Variants in RGS6 observed in about 807,000 individuals in gnomAD.
RGS6 encodes regulator of G-protein signaling 6.
RGS6 carries 30 observed loss-of-function variants against 78.5 expected under a neutral mutation model. The ratio of observed to expected loss-of-function variants is 0.38; its 90% CI spans 0.29 to 0.52. The LOEUF (loss-of-function observed/expected upper bound fraction) is 0.52. Ranked by LOEUF, RGS6 falls within the 20% of genes least tolerant of loss-of-function variation. The pLI, the probability that RGS6 is intolerant of heterozygous loss-of-function variation, is 0.85. For missense variants in RGS6, 495 were observed against 609.7 expected (o/e 0.81, Z 1.98); for synonymous variants, 206 against 206.0 (o/e 1.00, Z 0.00).
At chr14:72,073,736 C>T (rs2094484770) in intron 2 of RGS6, among the ~76,000 whole-genome samples, 1 of 152,014 alleles carries the variant, frequency 6.6e-6, no homozygotes. Flanking sequence ...TTTTTTTTCT[C>T]ACAAATTTTA....
At chr14:72,353,843 G>A (rs557917832) in intron 3 of RGS6, among the ~76,000 whole-genome samples, 87 of 152,140 alleles carry the variant, frequency 5.7e-4, no homozygotes, top group African/African-American at 2.1e-3. Context: ...AATTAGCCGG[G>A]CGTAGTGGTG....
intron 2 of RGS6, among the ~76,000 whole-genome samples, chr14:72,329,580 A>G (rs2074542422): frequency 6.6e-6 from 1 of 152,294 alleles, no homozygotes; most frequent in Admixed American, 6.5e-5. Context: ...GCAGGTATCA[A>G]CTAATTAGCA....
chr14:72,224,416 C>G (rs1014628365), intron 2 of RGS6, among the ~76,000 whole-genome samples: 6 of 147,492 alleles, frequency 4.1e-5, no homozygotes, highest in Non-Finnish European at 7.4e-5. Context: ...GACCCTATCT[C>G]AAAAAAAAGA....
chr14:71,983,902 T>C (rs1281480617), intron 2 of RGS6, among the ~76,000 whole-genome samples: 1 of 152,248 alleles, frequency 6.6e-6, no homozygotes, highest in East Asian at 1.9e-4. Context: ...TAGTGCTCTC[T>C]GCAAAGATCA....
At chr14:72,304,487 T>C (rs563358230) in intron 2 of RGS6, among the ~76,000 whole-genome samples, 75 of 152,334 alleles carry the variant, frequency 4.9e-4, no homozygotes, top group African/African-American at 1.6e-3. Flanking sequence ...CTCTAGTGAA[T>C]TTTCTATTCC....
chr14:72,452,928 T>A (rs2332835), intron 3 of RGS6, among the ~76,000 whole-genome samples: 109,857 of 152,094 alleles, frequency 0.72, 40,032 homozygotes, highest in East Asian at 0.98. Context: ...AGAAGGGAAC[T>A]TATTCAGAGG....
intron 1 of RGS6, among the ~76,000 whole-genome samples, chr14:71,942,977 A>G (rs1191760932): frequency 6.6e-6 from 1 of 152,164 alleles, no homozygotes; most frequent in Non-Finnish European, 1.5e-5. Context: ...AAATCTGTCC[A>G]TGGTAGAGTT....
intron 2 of RGS6, among the ~76,000 whole-genome samples, chr14:72,213,796 T>C (rs890840754): frequency 6.6e-6 from 1 of 152,198 alleles, no homozygotes; most frequent in African/African-American, 2.4e-5. Flanking sequence ...CTTTTCCCTA[T>C]TGCAAAAATG....
chr14:72,356,992 C>G (rs913413647), intron 3 of RGS6, among the ~76,000 whole-genome samples: 7 of 152,132 alleles, frequency 4.6e-5, no homozygotes, highest in African/African-American at 1.7e-4. Flanking sequence ...TGGAAGCAGC[C>G]AGGCGCGGTG....
intron 2 of RGS6, among the ~76,000 whole-genome samples, chr14:72,051,386 A>G (rs1354513412): frequency 6.6e-6 from 1 of 152,214 alleles, no homozygotes; most frequent in Non-Finnish European, 1.5e-5. Context: ...AAGAATTTAT[A>G]CAGCCATGGT....
intron 17 of RGS6, among the ~76,000 whole-genome samples, chr14:72,545,147 CT>C (rs1447647426): frequency 3.3e-5 from 5 of 152,268 alleles, no homozygotes; most frequent in African/African-American, 1.2e-4. Flanking sequence ...GGCTAAAAAT[CT>C]TTCCAAAGGG....
chr14:72,160,797 C>G (rs1181801197), intron 2 of RGS6, among the ~76,000 whole-genome samples: 1 of 152,176 alleles, frequency 6.6e-6, no homozygotes, highest in African/African-American at 2.4e-5. Context: ...CTTTGAACTT[C>G]CAGCCCTCCA....
chr14:72,031,391 T>C (rs8022622), intron 2 of RGS6, among the ~76,000 whole-genome samples: 123,731 of 152,166 alleles, frequency 0.81, 50,479 homozygotes, highest in South Asian at 0.89. Flanking sequence ...GGTGTACTTA[T>C]AGAGTATACG....
chr14:72,518,950 C>T (rs993544920), intron 15 of RGS6, among the ~76,000 whole-genome samples: 5 of 152,254 alleles, frequency 3.3e-5, no homozygotes, highest in Admixed American at 6.5e-5. Flanking sequence ...CTCTACACTG[C>T]TTCCGCAGTG....
chr14:72,360,719 A>G (rs77986082), intron 3 of RGS6, among the ~76,000 whole-genome samples: 2,350 of 152,280 alleles, frequency 0.015, 27 homozygotes, highest in Middle Eastern at 0.034. Context: ...GTTATAAATT[A>G]GTCAACTAGG....
chr14:72,329,330 T>C (rs2047866954), intron 2 of RGS6, among the ~76,000 whole-genome samples: 1 of 152,248 alleles, frequency 6.6e-6, no homozygotes, highest in African/African-American at 2.4e-5. Flanking sequence ...TGAGGGACAA[T>C]AAACCAGATA....
intron 14 of RGS6, among the ~76,000 whole-genome samples, chr14:72,517,812 G>C (rs905497015): frequency 1.6e-4 from 24 of 152,170 alleles, no homozygotes; most frequent in Admixed American, 6.5e-5. Context: ...GCCATCACTT[G>C]ATCCCAACTA....
At chr14:72,120,404 T>C (rs1399841075) in intron 2 of RGS6, among the ~76,000 whole-genome samples, 1 of 152,208 alleles carries the variant, frequency 6.6e-6, no homozygotes, top group Admixed American at 6.5e-5. Flanking sequence ...GTTTCTTCAT[T>C]CCTGTAGCAA....
At chr14:72,251,185 C>T (rs1014335154) in intron 2 of RGS6, among the ~76,000 whole-genome samples, 20 of 152,228 alleles carry the variant, frequency 1.3e-4, no homozygotes, top group Admixed American at 1.3e-3. Flanking sequence ...AACTGCAAAG[C>T]AAACGAAGGT....
Sources: allele counts gnomAD v4.1 joint callset (sites outside exome capture counted in the v4.1 genomes callset), GRCh38; gene constraint gnomAD v4.1.1; transcripts MANE v1.5; gene names NCBI Gene and HGNC (gene_info 2026-07-23, HGNC 2026-07-21).